Variants in MEMO1 observed in about 807,000 individuals in gnomAD.
MEMO1 encodes mediator of cell motility 1.
In MEMO1, 6 loss-of-function variants were observed where a neutral mutation model predicts 45.2. The observed-to-expected ratio is 0.13, with a 90% CI of 0.07 to 0.26. MEMO1 has a LOEUF of 0.26. MEMO1 is among the 10% of genes least tolerant of loss of function. MEMO1 has a pLI of 1.00. For synonymous variants in MEMO1, 78 were observed against 124.3 expected (o/e 0.63, Z 2.48); for missense variants, 184 against 370.5 (o/e 0.50, Z 4.13).
chr2:31,969,461 T>G (rs765533863), intron 2 of MEMO1, among the ~76,000 whole-genome samples: 5 of 151,638 alleles, frequency 3.3e-5, no homozygotes, highest in Non-Finnish European at 5.9e-5. Context: ...ATCACACATA[T>G]GTGTATAATG....
intron 2 of MEMO1, among the ~76,000 whole-genome samples, chr2:31,986,250 T>G (rs1276871846): frequency 6.6e-6 from 1 of 151,928 alleles, no homozygotes; most frequent in Admixed American, 6.6e-5. Context: ...AACAAAAAAA[T>G]TAGCCGGGCG....
chr2:31,953,194 C>T (rs1667026038), intron 2 of MEMO1, among the ~76,000 whole-genome samples: 1 of 151,770 alleles, frequency 6.6e-6, no homozygotes, highest in Admixed American at 6.6e-5. Context: ...TGGTGAAACC[C>T]CATCTCTACT....
At chr2:31,983,201 T>C (rs72860982) in intron 2 of MEMO1, among the ~76,000 whole-genome samples, 22,673 of 151,800 alleles carry the variant, frequency 0.15, 1,937 homozygotes, top group African/African-American at 0.22. Context: ...GCAGAGGTTG[T>C]AGTGAGCCAA....
chr2:31,902,204 G>A (rs1028705493), intron 6 of MEMO1, among the ~76,000 whole-genome samples: 2 of 151,876 alleles, frequency 1.3e-5, no homozygotes, highest in Admixed American at 1.3e-4. Flanking sequence ...ATCACTTAAG[G>A]CCAGGAGTTA....
chr2:31,904,733 G>A (rs1017672989), intron 6 of MEMO1, among the ~76,000 whole-genome samples: 2 of 152,140 alleles, frequency 1.3e-5, no homozygotes, highest in African/African-American at 4.8e-5. Context: ...CTAGAGAATC[G>A]CCAAATGTGA....
intron 6 of MEMO1, among the ~76,000 whole-genome samples, chr2:31,896,860 A>T (rs1677904490): frequency 6.6e-6 from 1 of 152,252 alleles, no homozygotes; most frequent in South Asian, 2.1e-4. Flanking sequence ...TAGATATTTC[A>T]CAAAAGAAGA....
At chr2:31,945,332 G>A (rs1046048524) in intron 2 of MEMO1, among the ~76,000 whole-genome samples, 3 of 152,114 alleles carry the variant, frequency 2.0e-5, no homozygotes, top group Admixed American at 6.5e-5. Flanking sequence ...AATACATAAT[G>A]CTACAAGTAT....
intron 6 of MEMO1, among the ~76,000 whole-genome samples, chr2:31,903,989 A>C (rs1259209029): frequency 2.0e-5 from 3 of 152,200 alleles, no homozygotes; most frequent in Admixed American, 2.0e-4. Flanking sequence ...GAAGACCTTC[A>C]TTGAGGCCAC....
intron 6 of MEMO1, among the ~76,000 whole-genome samples, chr2:31,913,809 C>T (rs1455283185): frequency 6.6e-6 from 1 of 152,140 alleles, no homozygotes; most frequent in African/African-American, 2.4e-5. Flanking sequence ...ACAGTTTCTA[C>T]AAATCCAATC....
intron 4 of MEMO1, among the ~76,000 whole-genome samples, chr2:31,923,133 T>G (rs1000754729): frequency 1.3e-5 from 2 of 152,154 alleles, no homozygotes; most frequent in African/African-American, 4.8e-5. Context: ...CTTGCCAGCA[T>G]CTGTTAATTT....
intron 2 of MEMO1, among the ~76,000 whole-genome samples, chr2:31,986,629 T>C (rs1351545380): frequency 6.6e-6 from 1 of 152,200 alleles, no homozygotes; most frequent in East Asian, 1.9e-4. Context: ...ACCAGGACTG[T>C]TTCTGATTAT....
chr2:32,000,905 G>A (rs934923843), intron 2 of MEMO1, among the ~76,000 whole-genome samples: 64 of 151,590 alleles, frequency 4.2e-4, no homozygotes, highest in African/African-American at 1.5e-3. Flanking sequence ...AGGAATTTTA[G>A]TCTGTTTCAT....
intron 6 of MEMO1, among the ~76,000 whole-genome samples, chr2:31,899,835 A>C (rs767202513): frequency 3.3e-5 from 5 of 152,268 alleles, no homozygotes; most frequent in Non-Finnish European, 5.9e-5. Flanking sequence ...ACAAATTTAC[A>C]AGAAAAAAAC....
intron 2 of MEMO1, among the ~76,000 whole-genome samples, chr2:31,958,789 C>T (rs1406755806): frequency 6.6e-6 from 1 of 152,086 alleles, no homozygotes; most frequent in African/African-American, 2.4e-5. Flanking sequence ...GTAGCTGGGA[C>T]CACAGGTATG....
At chr2:31,949,800 G>C (rs1007038943) in intron 2 of MEMO1, among the ~76,000 whole-genome samples, 7 of 152,006 alleles carry the variant, frequency 4.6e-5, no homozygotes, top group Non-Finnish European at 1.5e-5. Context: ...TGAGGGGATG[G>C]ATACCCCATT....
chr2:31,878,025 G>A (rs13019068), intron 8 of MEMO1, among the ~76,000 whole-genome samples: 1 of 152,146 alleles, frequency 6.6e-6, no homozygotes. Context: ...TAGTTTTTTA[G>A]AAGAAAAAGT....
chr2:31,911,477 CG>C (rs1344822730), intron 6 of MEMO1, among the ~76,000 whole-genome samples: 3 of 152,048 alleles, frequency 2.0e-5, no homozygotes, highest in Admixed American at 6.6e-5. Context: ...TGGTAAAAAC[CG>C]TAAGACTATC....
At chr2:31,927,548 C>T (rs1216967887) in intron 4 of MEMO1, among the ~76,000 whole-genome samples, 6 of 150,928 alleles carry the variant, frequency 4.0e-5, no homozygotes, top group Non-Finnish European at 7.4e-5. Flanking sequence ...GAATGCATAA[C>T]CAGATATGAA....
Position 31,951,381 on chromosome 2 carries a change from T to C in MEMO1, c.62-7998A>G, listed in dbSNP as rs565601693. Among the ~76,000 whole-genome samples, 30 of 152,342 alleles carry C rather than the reference T, an allele frequency of 2.0e-4. No individual in the cohort carries two copies. In the East Asian group the frequency reaches 5.6e-3, roughly 28 times the overall value. ...ACCACTATGAAAACCCCACTCACTA[T>C]GATGTTCTGATATTCTTAATTTCAA... On this transcript the variant is annotated intron_variant, in intron 2 of 9. Coordinates refer to ENST00000404530, the MANE Select transcript of MEMO1 (RefSeq NM_001301833.4).
Sources: allele counts gnomAD v4.1 joint callset (sites outside exome capture counted in the v4.1 genomes callset), GRCh38; gene constraint gnomAD v4.1.1; transcripts MANE v1.5; gene names NCBI Gene and HGNC (gene_info 2026-07-23, HGNC 2026-07-21).